The following UNC5C variants were observed in gnomAD, a reference collection of about 807,000 sequenced individuals.
UNC5C encodes the protein netrin receptor UNC5C.
A neutral mutation model predicts 99.8 loss-of-function variants in UNC5C; 47 were observed. The observed-to-expected ratio is 0.47, with a 90% CI of 0.37 to 0.60. The LOEUF (loss-of-function observed/expected upper bound fraction) is 0.60. Among genes scored for constraint, UNC5C ranks in the 20% least tolerant of loss-of-function variants. The pLI, the probability that UNC5C is intolerant of heterozygous loss-of-function variation, is 0.00. For missense variants in UNC5C, 1,062 were observed against 1,165.9 expected (o/e 0.91, Z 1.30); for synonymous variants, 487 against 452.2 (o/e 1.08, Z -0.98).
intron 1 of UNC5C, among the ~76,000 whole-genome samples, chr4:95,336,637 T>A (rs1312668268): frequency 6.6e-6 from 1 of 151,898 alleles, no homozygotes; most frequent in Non-Finnish European, 1.5e-5. Context: ...GAAAACTGGC[T>A]TGGAACTTTT....
At chr4:95,350,792 A>G (rs572205869) in intron 1 of UNC5C, among the ~76,000 whole-genome samples, 1 of 152,298 alleles carries the variant, frequency 6.6e-6, no homozygotes, top group East Asian at 1.9e-4. Context: ...ATGGTCAATT[A>G]TATGGGTCAA....
chr4:95,526,524 A>T (rs956692216), intron 1 of UNC5C, among the ~76,000 whole-genome samples: 1 of 152,120 alleles, frequency 6.6e-6, no homozygotes, highest in African/African-American at 2.4e-5. Context: ...CTAAGCAATA[A>T]CAAAAAATGG....
intron 10 of UNC5C, among the ~76,000 whole-genome samples, chr4:95,213,290 C>T (rs1034108625): frequency 3.3e-5 from 5 of 152,168 alleles, no homozygotes; most frequent in Non-Finnish European, 5.9e-5. Context: ...CAGTCTAGGT[C>T]GGGTTCATTT....
At chr4:95,309,597 C>A (rs887198710) in intron 2 of UNC5C, among the ~76,000 whole-genome samples, 2 of 151,932 alleles carry the variant, frequency 1.3e-5, no homozygotes, top group African/African-American at 4.8e-5. Flanking sequence ...AGAAAAAGAA[C>A]CCAATTAAAA....
chr4:95,193,737 C>T (rs997316322), intron 12 of UNC5C, among the ~76,000 whole-genome samples: 9 of 152,314 alleles, frequency 5.9e-5, no homozygotes, highest in Admixed American at 5.9e-4. Context: ...CCGCCCTTCT[C>T]TCCTGTTCTC....
intron 5 of UNC5C, among the ~76,000 whole-genome samples, chr4:95,249,768 A>C (rs1739626061): frequency 6.6e-6 from 1 of 152,228 alleles, no homozygotes; most frequent in Non-Finnish European, 1.5e-5. Flanking sequence ...CTTCCTAAGA[A>C]GTTGCTTCGT....
chr4:95,464,974 A>C (rs2149472351), intron 1 of UNC5C, among the ~76,000 whole-genome samples: 1 of 152,304 alleles, frequency 6.6e-6, no homozygotes, highest in East Asian at 1.9e-4. Flanking sequence ...GGTGTTAAAT[A>C]ATGAAAAAGA....
intron 1 of UNC5C, among the ~76,000 whole-genome samples, chr4:95,357,507 G>A (rs1286525021): frequency 1.3e-5 from 2 of 151,926 alleles, no homozygotes; most frequent in Non-Finnish European, 2.9e-5. Context: ...TACTGTCCAG[G>A]CCTGTTGTCT....
At position 95,276,842 on chromosome 4, in the gene UNC5C, A is replaced by T. The variant is rs547440288; in HGVS notation, c.594+1417T>A. Reference sequence around the variant, plus strand: ...AGATGCCAAATTAAGGCAAAAAAATAACTCTCTTTCAAAGTAAAAAAAAAG... The same window carrying T: ...AGATGCCAAATTAAGGCAAAAAAATTACTCTCTTTCAAAGTAAAAAAAAAG... On this transcript the variant is annotated intron_variant, in intron 4 of 15. Transcript: ENST00000453304. 1.1e-4 allele frequency among the ~76,000 whole-genome samples: 16 copies of T among 150,464 alleles called. No individual in the cohort carries two copies. The South Asian group carries it at 2.9e-3, about 27-fold the overall frequency.
At chr4:95,256,192 G>A (rs185042515) in intron 4 of UNC5C, among the ~76,000 whole-genome samples, 1 of 151,904 alleles carries the variant, frequency 6.6e-6, no homozygotes, top group African/African-American at 2.4e-5. Flanking sequence ...TCACTTCCTT[G>A]GTGAGCTCAT....
chr4:95,251,323 C>G (rs1010978211), intron 4 of UNC5C, among the ~76,000 whole-genome samples: 1 of 152,128 alleles, frequency 6.6e-6, no homozygotes, highest in South Asian at 2.1e-4. Flanking sequence ...TTAATACAAT[C>G]TGAATAGCTT....
At chr4:95,293,421 G>A (rs1282426052) in intron 3 of UNC5C, among the ~76,000 whole-genome samples, 3 of 144,270 alleles carry the variant, frequency 2.1e-5, no homozygotes, top group African/African-American at 7.8e-5. Flanking sequence ...TCCTGCCTCA[G>A]CCTTCTGGGC....
intron 1 of UNC5C, among the ~76,000 whole-genome samples, chr4:95,350,522 T>A (rs574625159): frequency 6.6e-6 from 1 of 152,140 alleles, no homozygotes; most frequent in South Asian, 2.1e-4. Context: ...TTACTCCCTA[T>A]TAATGATTAG....
intron 1 of UNC5C, among the ~76,000 whole-genome samples, chr4:95,455,154 T>A (rs1162523644): frequency 6.6e-6 from 1 of 151,844 alleles, no homozygotes; most frequent in African/African-American, 2.4e-5. Flanking sequence ...TAATCATCCA[T>A]GAGATCATAT....
At chr4:95,314,067 T>G (rs527970702) in intron 2 of UNC5C, among the ~76,000 whole-genome samples, 48 of 152,364 alleles carry the variant, frequency 3.2e-4, no homozygotes, top group Non-Finnish European at 6.5e-4. Flanking sequence ...ATCATAATTA[T>G]CTTGTGAATA....
intron 1 of UNC5C, among the ~76,000 whole-genome samples, chr4:95,365,419 A>G (rs1446971000): frequency 7.0e-6 from 1 of 143,654 alleles, no homozygotes; most frequent in Non-Finnish European, 1.5e-5. Context: ...TATTTTCTAT[A>G]TTTTTCATAT....
intron 3 of UNC5C, among the ~76,000 whole-genome samples, chr4:95,292,314 G>A (rs1741505870): frequency 6.8e-6 from 1 of 147,328 alleles, no homozygotes. Flanking sequence ...CTGTCACCCA[G>A]GCTGGAGTGC....
rs1160752598 is a variant in UNC5C at position 95,164,811 on chromosome 4, C to A, written c.*4423G>T. 1 of 152,236 alleles carries A rather than the reference C, an allele frequency of 6.6e-6. No homozygotes were observed. Among genetic ancestry groups the A allele is most frequent in the Non-Finnish European group, 1.5e-5 (1 of 68,046 alleles). 9.4% of individuals were successfully genotyped at this position (152,236 alleles called of 1,614,324 possible). Reference sequence around the variant, plus strand: ...CATGAAACTGATGACTTGTCCAGAACAACTGCCCAGCAAAAGCTAAGACTC... The same window carrying A: ...CATGAAACTGATGACTTGTCCAGAAAAACTGCCCAGCAAAAGCTAAGACTC... On this transcript the variant is annotated 3_prime_UTR_variant, in exon 16 of 16. Coordinates refer to ENST00000453304, the MANE Select transcript of UNC5C (RefSeq NM_003728.4).
intron 12 of UNC5C, among the ~76,000 whole-genome samples, chr4:95,192,062 C>T (rs1423504838): frequency 7.2e-6 from 1 of 138,074 alleles, no homozygotes; most frequent in Non-Finnish European, 1.6e-5. Context: ...TCACCCTCTT[C>T]CCCTGCTCAC....
Sources: allele counts gnomAD v4.1 joint callset (sites outside exome capture counted in the v4.1 genomes callset), GRCh38; gene constraint gnomAD v4.1.1; transcripts MANE v1.5; gene names NCBI Gene and HGNC (gene_info 2026-07-23, HGNC 2026-07-21).